Variants in RND3 observed in about 807,000 individuals in gnomAD.
RND3 encodes rho-related GTP-binding protein RhoE.
A neutral mutation model predicts 26.5 loss-of-function variants in RND3; 8 were observed. The observed-to-expected ratio is 0.30, with a 90% CI of 0.18 to 0.54. The LOEUF is 0.54. Ranked by LOEUF, RND3 falls within the 20% of genes least tolerant of loss-of-function variation. The pLI is 0.94. For missense variants in RND3, 207 were observed against 302.8 expected, an observed-to-expected ratio of 0.68 and a Z score of 2.35; for synonymous variants, 113 against 113.0, an observed-to-expected ratio of 1.00 and a Z score of 0.00.
intron 5 of RND3, 129 bp from the exon 6 acceptor site, chr2:150,470,367 G>A (rs1445429373): frequency 2.1e-6 from 2 of 973,960 alleles, no homozygotes; most frequent in Non-Finnish European, 3.0e-6. Context: ...AATTTTCCAA[G>A]TGTCATTGCA....
In RND3 at chr2:150,486,884, TAAGAA is replaced by T. The variant is rs1037551509; in HGVS notation, c.151-108_151-104del. 1.2e-6 allele frequency: 1 copy of T among 863,994 alleles called. No individual in the cohort carries two copies. The highest frequency in any genetic ancestry group is 1.7e-5 in the African/African-American group (1 of 60,500). The allele number at this position is 863,994 out of a possible 1,614,324, so 53.5% of individuals were successfully genotyped here. A position where few individuals can be genotyped will look rare whatever the true frequency, so the allele number is the denominator to read the frequency against. On this transcript the variant is annotated intron_variant, in intron 2 of 5. Coordinates refer to ENST00000263895, the MANE Select transcript of RND3 (RefSeq NM_005168.5). This position sits in a 1 kb window ranked among gnomAD's most constrained non-coding sequence, Gnocchi z 4.5. ...ACCCTTCCCCTCCCCGCTCCCCAGT[TAAGAA>T]AGAAAACCTTCACACATCAGACCAC...
At chr2:150,487,090 A>C (rs1686385383) in intron 2 of RND3, 178 bp downstream of exon 2, 4 of 621,682 alleles carry the variant, frequency 6.4e-6, no homozygotes, top group Non-Finnish European at 1.1e-5. Flanking sequence ...AAAAGCTTCC[A>C]GCGCACTTTC....
At chr2:150,478,119 A>G (rs1686197479) in intron 3 of RND3, among the ~76,000 whole-genome samples, 1 of 152,074 alleles carries the variant, frequency 6.6e-6, no homozygotes, top group Non-Finnish European at 1.5e-5. Context: ...AGTGAAAAAT[A>G]TTGATATAGA....
chr2:150,480,106 G>A (rs1686245102), intron 3 of RND3, among the ~76,000 whole-genome samples: 1 of 152,158 alleles, frequency 6.6e-6, no homozygotes, highest in Admixed American at 6.5e-5. Flanking sequence ...TTTACTGACA[G>A]TGGAACCATG....
At position 150,484,869 on chromosome 2, in the gene RND3, A is replaced by G. The variant is rs986385684; in HGVS notation, c.238+1825T>C. 2.6e-5 allele frequency among the ~76,000 whole-genome samples: 4 copies of G among 152,088 alleles called. No individual in the cohort carries two copies. In the South Asian group the frequency reaches 8.3e-4, roughly 32 times the overall value. ...AGACACACTGCTCCACCCCGTGCCA[A>G]AATAATTTTTATCGTGCATTAGGTC... On this transcript the variant is annotated intron_variant, in intron 3 of 5. Coordinates refer to ENST00000263895, the MANE Select transcript of RND3 (RefSeq NM_005168.5).
intron 4 of RND3, 138 bp from the exon 5 acceptor site, chr2:150,471,899 A>G (rs1212414388): frequency 1.4e-6 from 1 of 698,358 alleles, no homozygotes; most frequent in Non-Finnish European, 2.4e-6. Flanking sequence ...GAGATGAAGA[A>G]GCAAACTTTG....
chr2:150,479,248 CCAGAAACTAATTCTT>C (rs1458241506), intron 3 of RND3, among the ~76,000 whole-genome samples: 4 of 152,090 alleles, frequency 2.6e-5, no homozygotes, highest in Non-Finnish European at 5.9e-5. Context: ...CGTGCCTCAC[CCAGAAACTAATTCTT>C]CAGACACATA....
chr2:150,474,558 C>T (rs1686135910), intron 4 of RND3, among the ~76,000 whole-genome samples: 1 of 152,182 alleles, frequency 6.6e-6, no homozygotes. Context: ...TGTTGAGTCA[C>T]TGAAAGAAGG....
At position 150,469,837 on chromosome 2, in the gene RND3, G is replaced by C; in HGVS notation, c.*150C>G. On this transcript the variant is annotated 3_prime_UTR_variant, in exon 6 of 6. Transcript: ENST00000263895. ...GGTCTACATGCCGAACCTAAGGTCA[G>C]GATTCCAAAAAGATGAGTATCCTCT... is the stretch of plus-strand genomic sequence containing the variant. The C allele has an allele frequency of 1.2e-6, 1 of 811,180 alleles. No individual in the cohort carries two copies. The highest frequency in any genetic ancestry group is 1.9e-6 in the Non-Finnish European group (1 of 526,096). 50.2% of individuals were successfully genotyped at this position (811,180 alleles called of 1,614,324 possible).
chr2:150,470,188 T>C lies in RND3; in HGVS notation c.534A>G (p.Ser178=). 6.2e-7 allele frequency: 1 copy of C among 1,613,984 alleles called. No homozygotes were observed. The highest frequency in any genetic ancestry group is 8.5e-7 in the Non-Finnish European group (1 of 1,179,902). Residue 178 remains serine, a synonymous_variant, in exon 6 of 6, where the codon TCA becomes TCG. Coordinates refer to ENST00000263895, the MANE Select transcript of RND3 (RefSeq NM_005168.5). ...QIGAATYIEC[S]ALQSENSVRD... Reference sequence around the variant, plus strand: ...TGACGCTATTTTCCGACTGTAAAGCTGAGCATTCGATATAAGTAGCTGCTC... The same window carrying C: ...TGACGCTATTTTCCGACTGTAAAGCCGAGCATTCGATATAAGTAGCTGCTC...
chr2:150,469,856 A>T lies in RND3; in HGVS notation c.*131T>A. ...AGGTCAGGATTCCAAAAAGATGAGT[A>T]TCCTCTCAAACGCCTCCTAAGCCTC... is the stretch of plus-strand genomic sequence containing the variant. On this transcript the variant is annotated 3_prime_UTR_variant, in exon 6 of 6. Transcript: ENST00000263895. 1.0e-6 allele frequency: 1 copy of T among 972,264 alleles called. No individual in the cohort carries two copies. 60.2% of individuals were successfully genotyped at this position (972,264 alleles called of 1,614,324 possible). A position where few individuals can be genotyped will look rare whatever the true frequency, so the allele number is the denominator to read the frequency against.
chr2:150,487,462 A>AAT lies in RND3; in HGVS notation c.-38-8_-38-7insAT. 1.8e-6 allele frequency: 1 copy of AAT among 550,566 alleles called. No individual in the cohort carries two copies. Among genetic ancestry groups the AAT allele is most frequent in the African/African-American group, 3.2e-5 (1 of 31,144 alleles). 34.1% of individuals were successfully genotyped at this position (550,566 alleles called of 1,614,324 possible). ...CTTGGAACAGGAATTTTCTCTTAAGAAGAAAAAAAAAAATATATATATATA... is the reference window on the plus strand; with the variant it reads ...CTTGGAACAGGAATTTTCTCTTAAGAATAGAAAAAAAAAAATATATATATATA... On this transcript the variant is annotated splice_region_variant and splice_polypyrimidine_tract_variant and intron_variant, in intron 1 of 5. Transcript: ENST00000263895.
intron 3 of RND3, among the ~76,000 whole-genome samples, chr2:150,475,867 G>C (rs1040738780): frequency 1.3e-5 from 2 of 152,086 alleles, no homozygotes; most frequent in Admixed American, 6.5e-5. Flanking sequence ...GTACCCTAAA[G>C]GTTCAAGGCA....
rs11885462 is a variant in RND3, at chr2:150,487,403, T to C, written c.15A>G (p.Arg5=). MKER[R]ASQKLSSKSI... is the part of the protein sequence containing the mutation. ...ATTTGCTGGATAATTTCTGGCTGGC[T>C]CTTCTCTCCTTCATTGATGTTGCCT... The change falls in exon 2 of 6, where the codon AGA becomes AGG. Residue 5 remains arginine (R), a synonymous_variant. Coordinates refer to ENST00000263895, the MANE Select transcript of RND3 (RefSeq NM_005168.5). The C allele has an allele frequency of 2.5e-3, 3,829 of 1,524,776 alleles. 94 individuals are homozygous for C. In the African/African-American group the frequency reaches 0.046, roughly 18 times the overall value. 94.5% of individuals were successfully genotyped at this position (1,524,776 alleles called of 1,614,324 possible).
rs1427041950 is a variant in RND3, at chr2:150,486,255, C to T, written c.238+439G>A. On this transcript the variant is annotated intron_variant, in intron 3 of 5. Transcript: ENST00000263895. This position sits in a 1 kb window ranked among gnomAD's most constrained non-coding sequence, Gnocchi z 4.5. ...TCGCCTCTGGGATTTTCTCCCGCCT[C>T]CCATCACCCCCGCGGCGCTCCCCGC... 3.3e-5 allele frequency among the ~76,000 whole-genome samples: 5 copies of T among 151,858 alleles called. No homozygotes were observed. The South Asian group carries it at 8.3e-4, about 25-fold the overall frequency.
chr2:150,478,785 C>T (rs1241978993), intron 3 of RND3, among the ~76,000 whole-genome samples: 2 of 151,980 alleles, frequency 1.3e-5, no homozygotes, highest in Non-Finnish European at 2.9e-5. Context: ...TAAGAATGCA[C>T]TAAAGTCCAA....
At chr2:150,476,939 C>T (rs1302788896) in intron 3 of RND3, among the ~76,000 whole-genome samples, 1 of 152,080 alleles carries the variant, frequency 6.6e-6, no homozygotes, top group African/African-American at 2.4e-5. Context: ...TTTCTGTGTC[C>T]AAAGTCTAAC....
chr2:150,483,447 A>C (rs2105222943), intron 3 of RND3, among the ~76,000 whole-genome samples: 1 of 152,360 alleles, frequency 6.6e-6, no homozygotes, highest in African/African-American at 2.4e-5. Flanking sequence ...AAAAAGTGCA[A>C]TTTATCTGAC....
chr2:150,484,669 G>A (rs1686328517), intron 3 of RND3, among the ~76,000 whole-genome samples: 2 of 152,190 alleles, frequency 1.3e-5, no homozygotes, highest in Non-Finnish European at 2.9e-5. Flanking sequence ...TGCCTGTCCA[G>A]CGTAATAAAG....
Sources: allele counts gnomAD v4.1 joint callset (sites outside exome capture counted in the v4.1 genomes callset), GRCh38; gene constraint gnomAD v4.1.1; non-coding constraint Gnocchi (gnomAD v3.1); transcripts MANE v1.5; gene names NCBI Gene and HGNC (gene_info 2026-07-23, HGNC 2026-07-21).